The following SOX6 variants were observed in gnomAD, a reference collection of about 807,000 sequenced individuals.
SOX6 encodes transcription factor SOX-6.
A neutral mutation model predicts 97.8 loss-of-function variants in SOX6; 11 were observed. The ratio of observed to expected loss-of-function variants is 0.11; its 90% CI spans 0.07 to 0.19. SOX6 has a LOEUF of 0.19. SOX6 is among the 10% of genes least tolerant of loss of function. The pLI is 1.00. For synonymous variants in SOX6, 360 were observed against 371.4 expected (o/e 0.97, Z 0.35); for missense variants, 810 against 1,039.5 (o/e 0.78, Z 3.04).
At chr11:16,577,721 A>G (rs1170212871) in intron 4 of SOX6, among the ~76,000 whole-genome samples, 1 of 152,172 alleles carries the variant, frequency 6.6e-6, no homozygotes, top group Non-Finnish European at 1.5e-5. Flanking sequence ...CCATTTGTAA[A>G]TCGTATTTGG....
At chr11:16,181,559 CAAAAAAAA>C (rs5789942) in intron 6 of SOX6, among the ~76,000 whole-genome samples, 2 of 137,726 alleles carry the variant, frequency 1.5e-5, no homozygotes, top group East Asian at 4.1e-4. Flanking sequence ...TTTCCCCTTC[CAAAAAAAA>C]AAAAAAAGAA....
chr11:16,662,529 T>C (rs1365896717), intron 3 of SOX6, among the ~76,000 whole-genome samples: 2 of 152,094 alleles, frequency 1.3e-5, no homozygotes, highest in South Asian at 2.1e-4. Flanking sequence ...TCCAACAATA[T>C]AATATTTTTA....
At chr11:16,618,860 C>T (rs1001402942) in intron 3 of SOX6, among the ~76,000 whole-genome samples, 1 of 151,980 alleles carries the variant, frequency 6.6e-6, no homozygotes, top group African/African-American at 2.4e-5. Flanking sequence ...AATAATAACA[C>T]AGAATTATTT....
intron 4 of SOX6, among the ~76,000 whole-genome samples, chr11:16,539,550 T>C (rs1861369194): frequency 6.6e-6 from 1 of 151,782 alleles, no homozygotes; most frequent in Admixed American, 6.6e-5. Context: ...TTTGAAAAGA[T>C]GAACAAAATT....
intron 1 of SOX6, among the ~76,000 whole-genome samples, chr11:16,443,743 G>A (rs578057528): frequency 5.9e-5 from 9 of 152,128 alleles, no homozygotes; most frequent in South Asian, 4.1e-4. Context: ...GACTGGGCAC[G>A]GTGGATCATG....
At chr11:16,366,857 C>T (rs1857373051) in intron 1 of SOX6, among the ~76,000 whole-genome samples, 2 of 152,110 alleles carry the variant, frequency 1.3e-5, no homozygotes, top group Admixed American at 1.3e-4. Context: ...AGTGTAAGAG[C>T]ATAAAACCAT....
chr11:16,014,717 G>T (rs1015991463), intron 13 of SOX6, among the ~76,000 whole-genome samples: 1 of 152,022 alleles, frequency 6.6e-6, no homozygotes, highest in African/African-American at 2.4e-5. Context: ...TACTTGGATT[G>T]CTAAGTATTC....
intron 3 of SOX6, among the ~76,000 whole-genome samples, chr11:16,302,392 T>C (rs1281741944): frequency 6.6e-6 from 1 of 152,034 alleles, no homozygotes; most frequent in African/African-American, 2.4e-5. Flanking sequence ...GGTTTATTCA[T>C]ACCATGAAAC....
chr11:16,132,677 T>C (rs1275732892), intron 6 of SOX6, among the ~76,000 whole-genome samples: 2 of 151,336 alleles, frequency 1.3e-5, no homozygotes, highest in Non-Finnish European at 2.9e-5. Flanking sequence ...TATATCCCTC[T>C]TGAGCTATCG....
chr11:16,480,564 G>A (rs1266808423), upstream of SOX6, among the ~76,000 whole-genome samples: 1 of 151,938 alleles, frequency 6.6e-6, no homozygotes, highest in Non-Finnish European at 1.5e-5. Context: ...TGTATAATTA[G>A]ACTTTAAAAG....
chr11:16,306,893 G>A lies in SOX6; in HGVS notation c.445+11553C>T, dbSNP rs914534598. On this transcript the variant is annotated intron_variant, in intron 3 of 15. Transcript: ENST00000683767. ...CCCGCCTCAGCCTCCCAAAGTGCTGGGCTTACAGGCATGAGCCACTACGCT... is the reference window on the plus strand; with the variant it reads ...CCCGCCTCAGCCTCCCAAAGTGCTGAGCTTACAGGCATGAGCCACTACGCT... 1.6e-4 allele frequency among the ~76,000 whole-genome samples: 24 copies of A among 151,974 alleles called. 1 individual carries two copies. The highest frequency in any genetic ancestry group is 5.9e-5 in the Non-Finnish European group (4 of 67,984).
chr11:16,375,224 C>T (rs1164158745), intron 1 of SOX6, among the ~76,000 whole-genome samples: 13 of 152,066 alleles, frequency 8.5e-5, no homozygotes, highest in African/African-American at 2.2e-4. Context: ...TGCCACCCAA[C>T]GCATTCATAC....
chr11:16,180,847 G>C (rs1329476417), intron 6 of SOX6, among the ~76,000 whole-genome samples: 1 of 151,638 alleles, frequency 6.6e-6, no homozygotes, highest in Non-Finnish European at 1.5e-5. Flanking sequence ...AAATAAAATT[G>C]TTCTTAACTG....
intron 4 of SOX6, among the ~76,000 whole-genome samples, chr11:16,222,917 TA>T (rs1852585035): frequency 6.6e-6 from 1 of 152,090 alleles, no homozygotes. Flanking sequence ...TTTAAAATAA[TA>T]TTTTTTATTC....
intron 1 of SOX6, among the ~76,000 whole-genome samples, chr11:16,426,149 G>T (rs1025080417): frequency 6.7e-6 from 1 of 149,996 alleles, no homozygotes; most frequent in Middle Eastern, 3.5e-3. Context: ...CCAGCTGCTC[G>T]GGAGGCTGAG....
At chr11:16,595,544 AG>A (rs1391454105) in intron 4 of SOX6, among the ~76,000 whole-genome samples, 5 of 151,088 alleles carry the variant, frequency 3.3e-5, no homozygotes, top group Non-Finnish European at 5.9e-5. Flanking sequence ...AGGCCAAGTC[AG>A]GCCTTCTTTG....
intron 3 of SOX6, among the ~76,000 whole-genome samples, chr11:16,657,724 C>T (rs1847734028): frequency 6.6e-6 from 1 of 152,074 alleles, no homozygotes; most frequent in Non-Finnish European, 1.5e-5. Flanking sequence ...ATTTGCACTC[C>T]CTAGTGACAT....
intron 1 of SOX6, among the ~76,000 whole-genome samples, chr11:16,428,414 T>A (rs975076346): frequency 1.3e-5 from 2 of 152,234 alleles, no homozygotes; most frequent in African/African-American, 4.8e-5. Flanking sequence ...GCCTATGTCC[T>A]GAATGTATTG....
chr11:16,527,562 T>C (rs1244506704), intron 4 of SOX6, among the ~76,000 whole-genome samples: 1 of 152,114 alleles, frequency 6.6e-6, no homozygotes, highest in African/African-American at 2.4e-5. Context: ...TTCTTTTGCC[T>C]CCCAATAGAT....
Sources: allele counts gnomAD v4.1 joint callset (sites outside exome capture counted in the v4.1 genomes callset), GRCh38; gene constraint gnomAD v4.1.1; transcripts MANE v1.5; gene names NCBI Gene and HGNC (gene_info 2026-07-23, HGNC 2026-07-21).